PRDM13: variants seen among roughly 807,000 people sequenced by gnomAD.
PRDM13 encodes the protein PR/SET domain 13.
In PRDM13, 15 loss-of-function variants were observed where a neutral mutation model predicts 36.4. The ratio of observed to expected loss-of-function variants is 0.41; its 90% confidence interval spans 0.28 to 0.64. The LOEUF is 0.64. PRDM13 is among the 30% of genes least tolerant of loss of function. The pLI is 0.29. For synonymous variants in PRDM13, 531 were observed against 467.7 expected (o/e 1.14, Z -1.75); for missense variants, 1,044 against 1,013.5 (o/e 1.03, Z -0.41).
rs905545783 is a variant in PRDM13, at chr6:99,615,398, T to C, written c.*639T>C. ...TGATAAATGTAAAATATCTAAAGCA[T>C]GAATCTAAGAGCACGCAATATATAA... On this transcript the variant is annotated 3_prime_UTR_variant, in exon 4 of 4. Coordinates refer to ENST00000369215, the MANE Select transcript of PRDM13 (RefSeq NM_021620.4). The C allele has an allele frequency of 1.3e-5, 2 of 152,744 alleles. No individual in the cohort carries two copies. The highest frequency in any genetic ancestry group is 6.5e-5 in the Admixed American group (1 of 15,286). The allele number at this position is 152,744 out of a possible 1,614,324, so 9.5% of individuals were successfully genotyped here. A position where few individuals can be genotyped will look rare whatever the true frequency, so the allele number is the denominator to read the frequency against.
intron 3 of PRDM13, among the ~76,000 whole-genome samples, chr6:99,612,018 T>G (rs1562508387): frequency 6.6e-6 from 1 of 152,188 alleles, no homozygotes; most frequent in Non-Finnish European, 1.5e-5. Flanking sequence ...TCGGGCAAAA[T>G]GAATAAACTA....
intron 1 of PRDM13, 40 bp downstream of exon 1, chr6:99,607,218 C>T: frequency 6.2e-7 from 1 of 1,605,126 alleles, no homozygotes; most frequent in Non-Finnish European, 8.5e-7. Flanking sequence ...CCATTCGCCT[C>T]TCAGTGCCCT....
Position 99,608,766 on chromosome 6 carries a change from TGGACGA to T in PRDM13, c.172_177del (p.Asp58_Glu59del), listed in dbSNP as rs777224353. 5 of 1,611,680 alleles carry T rather than the reference TGGACGA, an allele frequency of 3.1e-6. No homozygotes were observed. The Admixed American group carries it at 8.4e-5, about 27-fold the overall frequency. ...GTGCGCATGGTGAGAGGGGAGCTGGTGGACGAGTCGGGGGGCTCCCCTCTGGAGTGG... is the reference window on the plus strand; with the variant it reads ...GTGCGCATGGTGAGAGGGGAGCTGGTGTCGGGGGGCTCCCCTCTGGAGTGG... On this transcript the variant is annotated inframe_deletion, in exon 2 of 4. Coordinates refer to ENST00000369215, the MANE Select transcript of PRDM13 (RefSeq NM_021620.4).
chr6:99,610,484 C>T (rs1287417964), intron 3 of PRDM13, among the ~76,000 whole-genome samples: 1 of 152,116 alleles, frequency 6.6e-6, no homozygotes, highest in African/African-American at 2.4e-5. Flanking sequence ...CAATCTCATC[C>T]CTTTAGAAAT....
rs1770058900 is a variant in PRDM13 at position 99,613,260 on chromosome 6, C to G, written c.625C>G (p.Arg209Gly). ...FAAPSQAGTLRPHPLGPPPVQ... is the reference protein window; with the variant it reads ...FAAPSQAGTLGPHPLGPPPVQ... Reference sequence around the variant, plus strand: ...CGCGCCTTCCCAGGCAGGAACTTTGCGACCCCACCCCCTGGGCCCGCCACC... The same window carrying G: ...CGCGCCTTCCCAGGCAGGAACTTTGGGACCCCACCCCCTGGGCCCGCCACC... The change falls in exon 4 of 4, where the codon CGA becomes GGA. Residue 209 changes from arginine (R) to glycine (G), a missense_variant. Physicochemically the swap from Arg to Gly is moderately radical, Grantham distance 125. Coordinates refer to ENST00000369215, the MANE Select transcript of PRDM13 (RefSeq NM_021620.4). This position sits in a 1 kb window ranked among gnomAD's most constrained non-coding sequence, Gnocchi z 6.1. The G allele has an allele frequency of 6.2e-7, 1 of 1,605,848 alleles. No individual in the cohort carries two copies. Among genetic ancestry groups the G allele is most frequent in the South Asian group, 1.1e-5 (1 of 90,120 alleles).
At position 99,614,751 on chromosome 6, in the gene PRDM13, G is replaced by T. The variant is rs770928099; in HGVS notation, c.2116G>T (p.Asp706Tyr). 8 of 1,569,004 alleles carry T rather than the reference G, an allele frequency of 5.1e-6. No homozygotes were observed. Among genetic ancestry groups the T allele is most frequent in the Admixed American group, 3.7e-5 (2 of 53,954 alleles). ...CGAGGTTGGGGGCGGCGGGGAGCGC[G>T]ACTTGTAACGAGTCTTCCCGGGAAG... ...DPEVGGGGERDL is the reference protein window; with the variant it reads ...DPEVGGGGERYL The change falls in exon 4 of 4, where the codon GAC becomes TAC. Residue 706 changes from aspartate (D) to tyrosine (Y), a missense_variant. By Grantham distance (160) the Asp-to-Tyr change is radical. Coordinates refer to ENST00000369215, the MANE Select transcript of PRDM13 (RefSeq NM_021620.4).
chr6:99,614,190 G>A lies in PRDM13; in HGVS notation c.1555G>A (p.Asp519Asn), dbSNP rs773048951. Residue 519 changes from aspartate (D) to asparagine (N), a missense_variant, in exon 4 of 4, where the codon GAC becomes AAC. By Grantham distance (23) the Asp-to-Asn change is conservative. Transcript: ENST00000369215. ...CGAGCTGGGGTCGCTGGCCAGCATC[G>A]ACCGAGAGATCGCCATGCACAATCA... ...PAELGSLASI[D>N]REIAMHNQQL... The A allele has an allele frequency of 2.5e-6, 4 of 1,605,502 alleles. No homozygotes were observed. Among genetic ancestry groups the A allele is most frequent in the South Asian group, 1.1e-5 (1 of 90,754 alleles).
In PRDM13 at chr6:99,614,213, T is replaced by C; in HGVS notation, c.1578T>C (p.Asn526=). ...ASIDREIAMH[N]QQLSEMAAGK... ...TCGACCGAGAGATCGCCATGCACAA[T>C]CAGCAGCTGTCCGAGATGGCTGCCG... The change falls in exon 4 of 4, where the codon AAT becomes AAC. Residue 526 remains asparagine (N), a synonymous_variant. Transcript: ENST00000369215. 6.2e-7 allele frequency: 1 copy of C among 1,608,320 alleles called. No homozygotes were observed. Among genetic ancestry groups the C allele is most frequent in the East Asian group, 2.2e-5 (1 of 44,770 alleles).
In PRDM13 at chr6:99,613,724, TC is replaced by T; in HGVS notation, c.1092del (p.Lys365SerfsTer126). 1 of 1,470,084 alleles carries T rather than the reference TC, an allele frequency of 6.8e-7. No homozygotes were observed. The highest frequency in any genetic ancestry group is 1.5e-5 in the African/African-American group (1 of 66,852). The allele number at this position is 1,470,084 out of a possible 1,614,324, so 91.1% of individuals were successfully genotyped here. A position where few individuals can be genotyped will look rare whatever the true frequency, so the allele number is the denominator to read the frequency against. On this transcript the variant is annotated frameshift_variant, in exon 4 of 4. Coordinates refer to ENST00000369215, the MANE Select transcript of PRDM13 (RefSeq NM_021620.4). LOFTEE classifies it high-confidence loss of function. This position sits in a 1 kb window ranked among gnomAD's most constrained non-coding sequence, Gnocchi z 6.1. ...HHHHAHHHHH[P>X]KCLLAGDPPP... ...ACCACCACGCGCACCACCACCACCA[TC>T]CCAAGTGCCTGCTCGCTGGGGACCC...
intron 3 of PRDM13, among the ~76,000 whole-genome samples, 179 bp from the exon 4 acceptor site, chr6:99,612,854 G>A (rs916768299): frequency 1.3e-5 from 2 of 152,190 alleles, no homozygotes; most frequent in Non-Finnish European, 2.9e-5. Flanking sequence ...ACACTGATAA[G>A]GATTGGCCAT....
In PRDM13 at chr6:99,613,696, A is replaced by C; in HGVS notation, c.1061A>C (p.His354Pro). 6.8e-7 allele frequency: 1 copy of C among 1,464,852 alleles called. No individual in the cohort carries two copies. Among genetic ancestry groups the C allele is most frequent in the Non-Finnish European group, 8.9e-7 (1 of 1,117,716 alleles). The allele number at this position is 1,464,852 out of a possible 1,614,324, so 90.7% of individuals were successfully genotyped here. ...GCGGCGGGCGGCGCGGGTCACCACC[A>C]TCACCACCACGCGCACCACCACCAC... is the stretch of plus-strand genomic sequence containing the variant. ...NSAAGGAGHH[H>P]HHHAHHHHHP... is the part of the protein sequence containing the mutation. Residue 354 changes from histidine (H) to proline (P), a missense_variant, in exon 4 of 4, where the codon CAT (histidine) becomes CCT (proline). Transcript: ENST00000369215. This position sits in a 1 kb window ranked among gnomAD's most constrained non-coding sequence, Gnocchi z 6.1.
intron 3 of PRDM13, among the ~76,000 whole-genome samples, chr6:99,612,242 C>A (rs1770041823): frequency 6.6e-6 from 1 of 151,974 alleles, no homozygotes; most frequent in South Asian, 2.1e-4. Flanking sequence ...AATTAATTAC[C>A]AAGTGGCAGA....
chr6:99,612,386 T>G (rs1448436114), intron 3 of PRDM13, among the ~76,000 whole-genome samples: 1 of 152,202 alleles, frequency 6.6e-6, no homozygotes, highest in African/African-American at 2.4e-5. Flanking sequence ...CAAATAATTT[T>G]GAAGAATGGC....
chr6:99,609,696 G>A (rs1039404475), intron 3 of PRDM13, among the ~76,000 whole-genome samples: 6 of 151,986 alleles, frequency 3.9e-5, no homozygotes, highest in Non-Finnish European at 5.9e-5. Flanking sequence ...GACCAGCCTG[G>A]GCAACATAGT....
chr6:99,613,217 C>T lies in PRDM13; in HGVS notation c.582C>T (p.Pro194=), dbSNP rs1156703065. The change falls in exon 4 of 4, where the codon CCC becomes CCT. Residue 194 remains proline, a synonymous_variant. Transcript: ENST00000369215. This position sits in a 1 kb window ranked among gnomAD's most constrained non-coding sequence, Gnocchi z 6.1. ...AADGLGLSPK[P]PAPDFAAPSQ... ...ATGGCCTCGGTCTCTCCCCAAAACC[C>T]CCGGCGCCCGATTTCGCCGCGCCTT... The T allele has an allele frequency of 2.5e-6, 4 of 1,611,834 alleles. No individual in the cohort carries two copies. The highest frequency in any genetic ancestry group is 1.7e-6 in the Non-Finnish European group (2 of 1,179,706).
Position 99,606,943 on chromosome 6 carries a change from G to A in PRDM13, c.-92G>A. ...GGCGGAGGACGCACGTCGGGGCGCG[G>A]CTCTCTGGCTAGCGCGCAGCTCCAG... On this transcript the variant is annotated 5_prime_UTR_variant, in exon 1 of 4. Coordinates refer to ENST00000369215, the MANE Select transcript of PRDM13 (RefSeq NM_021620.4). The A allele has an allele frequency of 7.1e-7, 1 of 1,417,922 alleles. No individual in the cohort carries two copies. Among genetic ancestry groups the A allele is most frequent in the East Asian group, 2.6e-5 (1 of 38,344 alleles). The allele number at this position is 1,417,922 out of a possible 1,614,324, so 87.8% of individuals were successfully genotyped here. A position where few individuals can be genotyped will look rare whatever the true frequency, so the allele number is the denominator to read the frequency against.
rs760085132 is a variant in PRDM13, at chr6:99,609,290, C to T, written c.380C>T (p.Pro127Leu). Residue 127 changes from proline (P) to leucine (L), a missense_variant, in exon 3 of 4, where the codon CCG becomes CTG. By Grantham distance (98) the Pro-to-Leu change is moderately conservative. Coordinates refer to ENST00000369215, the MANE Select transcript of PRDM13 (RefSeq NM_021620.4). ...QWFDIPTTAT[P>L]THDEKGEERY... ...TTCGACATCCCCACCACAGCGACTCCGACTCACGACGAGAAAGGTACCCAT... is the reference window on the plus strand; with the variant it reads ...TTCGACATCCCCACCACAGCGACTCTGACTCACGACGAGAAAGGTACCCAT... The T allele has an allele frequency of 9.9e-6, 16 of 1,613,998 alleles. No individual in the cohort carries two copies. In the East Asian group the frequency reaches 3.3e-4, roughly 34 times the overall value.
At chr6:99,612,484 G>A (rs1294466385) in intron 3 of PRDM13, among the ~76,000 whole-genome samples, 1 of 152,194 alleles carries the variant, frequency 6.6e-6, no homozygotes, top group Non-Finnish European at 1.5e-5. Context: ...GGGTGGAATG[G>A]GTGGGTAGGG....
Position 99,614,234 on chromosome 6 carries a change from T to C in PRDM13, c.1599T>C (p.Ala533=). The C allele has an allele frequency of 1.2e-6, 2 of 1,609,350 alleles. No individual in the cohort carries two copies. Among genetic ancestry groups the C allele is most frequent in the Non-Finnish European group, 1.7e-6 (2 of 1,178,906 alleles). The change falls in exon 4 of 4, where the codon GCT becomes GCC. Residue 533 remains alanine, a synonymous_variant. Coordinates refer to ENST00000369215, the MANE Select transcript of PRDM13 (RefSeq NM_021620.4). ...AMHNQQLSEM[A]AGKGRGRLDS... ...ACAATCAGCAGCTGTCCGAGATGGC[T>C]GCCGGGAAGGGTCGCGGACGCCTGG...
Sources: gnomAD v4.1 joint callset for allele counts (sites outside exome capture counted in the v4.1 genomes callset) on GRCh38, gnomAD v4.1.1 for gene constraint, Gnocchi (gnomAD v3.1) non-coding constraint, MANE v1.5 for transcripts, NCBI Gene and HGNC (gene_info 2026-07-23, HGNC 2026-07-21) for gene names.